The following MAD1L1 variants were observed in gnomAD, a reference collection of about 807,000 sequenced individuals.
MAD1L1 encodes mitotic arrest deficient 1 like 1, also known as mitotic spindle assembly checkpoint protein MAD1.
MAD1L1 carries 95 observed loss-of-function variants against 96.9 expected under a neutral mutation model. That is an observed-to-expected ratio of 0.98 (90% CI 0.83 to 1.16). The LOEUF (loss-of-function observed/expected upper bound fraction) is 1.16, where lower values mean the gene tolerates loss of function less well. Ranked by LOEUF, MAD1L1 falls within the 50% of genes most tolerant of loss-of-function variation. The pLI is 0.00. For synonymous variants in MAD1L1, 473 were observed against 396.6 expected (o/e 1.19, Z -2.29); for missense variants, 1,007 against 954.4 (o/e 1.06, Z -0.73).
chr7:2,106,920 G>A (rs969223193), intron 11 of MAD1L1, among the ~76,000 whole-genome samples: 2 of 152,168 alleles, frequency 1.3e-5, no homozygotes, highest in African/African-American at 4.8e-5. Flanking sequence ...CAGGGGCCCG[G>A]GGGTCCAGAA....
At position 1,898,039 on chromosome 7, in the gene MAD1L1, G is replaced by C. The variant is rs547054956; in HGVS notation, c.1998+161C>G. On this transcript the variant is annotated intron_variant, in intron 18 of 18. Transcript: ENST00000265854. Reference sequence around the variant, plus strand: ...TTGGCCCAAGGCTGAGAAGCCTCAGGGGGTGACGAGGACGGGCCAGTGCAC... The same window carrying C: ...TTGGCCCAAGGCTGAGAAGCCTCAGCGGGTGACGAGGACGGGCCAGTGCAC... 513 of 743,248 alleles carry C rather than the reference G, an allele frequency of 6.9e-4. 2 individuals are homozygous for C. Among genetic ancestry groups the C allele is most frequent in the Non-Finnish European group, 2.2e-4 (98 of 445,820 alleles). The allele number at this position is 743,248 out of a possible 1,614,324, so 46.0% of individuals were successfully genotyped here. A position where few individuals can be genotyped will look rare whatever the true frequency, so the allele number is the denominator to read the frequency against.
At chr7:1,831,041 A>G (rs1410056967) in intron 18 of MAD1L1, among the ~76,000 whole-genome samples, 1 of 152,292 alleles carries the variant, frequency 6.6e-6, no homozygotes, top group African/African-American at 2.4e-5. Flanking sequence ...AGTAACGTGA[A>G]GCAGATACAG....
At chr7:2,105,344 G>A (rs1215849677) in intron 11 of MAD1L1, among the ~76,000 whole-genome samples, 9 of 151,422 alleles carry the variant, frequency 5.9e-5, no homozygotes, top group Admixed American at 2.0e-4. Flanking sequence ...AGGGGAGGAA[G>A]GCCACTCAGG....
chr7:1,837,027 G>C (rs1290362200), intron 18 of MAD1L1, among the ~76,000 whole-genome samples: 1 of 152,146 alleles, frequency 6.6e-6, no homozygotes, highest in Non-Finnish European at 1.5e-5. Flanking sequence ...AGAATGAAAA[G>C]ACATGTCATA....
intron 12 of MAD1L1, among the ~76,000 whole-genome samples, chr7:2,066,834 G>A (rs1317882855): frequency 6.6e-6 from 1 of 152,250 alleles, no homozygotes; most frequent in East Asian, 1.9e-4. Flanking sequence ...GTCACAGGCT[G>A]CAGGCCAGAC....
At position 2,033,262 on chromosome 7, in the gene MAD1L1, T is replaced by C. The variant is rs1340119895; in HGVS notation, c.1219-18620A>G. 3.3e-5 allele frequency among the ~76,000 whole-genome samples: 5 copies of C among 152,334 alleles called. No individual in the cohort carries two copies. The East Asian group carries it at 9.7e-4, about 29-fold the overall frequency. ...ACGCACCCCGGGGGCACAGAACACC[T>C]GGGTGCGGAGCCCCAGTTTGAACCA... is the stretch of plus-strand genomic sequence containing the variant. On this transcript the variant is annotated intron_variant, in intron 12 of 18. Coordinates refer to ENST00000265854, the MANE Select transcript of MAD1L1 (RefSeq NM_001013836.2).
chr7:2,155,650 G>GAC (rs1789796711), intron 10 of MAD1L1, among the ~76,000 whole-genome samples: 1 of 152,160 alleles, frequency 6.6e-6, no homozygotes, highest in Admixed American at 6.5e-5. Flanking sequence ...CCTTCCTTTT[G>GAC]AAGGCTGAGT....
chr7:1,887,985 ATGCATGTGTGTATATGGCTGCCTGTACG>A (rs1472326810), intron 18 of MAD1L1, among the ~76,000 whole-genome samples: 21 of 83,856 alleles, frequency 2.5e-4, no homozygotes, highest in Admixed American at 4.6e-4. Context: ...GTGTGTGTGC[ATGCATGTGTGTATATGGCTGCCTGTACG>A]TGTGTGTGCA....
At chr7:2,185,144 CAGG>C in intron 10 of MAD1L1, among the ~76,000 whole-genome samples, 1 of 152,274 alleles carries the variant, frequency 6.6e-6, no homozygotes, top group African/African-American at 2.4e-5. Flanking sequence ...TACAAACTTT[CAGG>C]AGGTGATTGC....
intron 17 of MAD1L1, among the ~76,000 whole-genome samples, chr7:1,905,832 C>T (rs11767040): frequency 0.15 from 23,119 of 152,078 alleles, 2,182 homozygotes; most frequent in South Asian, 0.28. Context: ...GGCAGATTAT[C>T]TGAGGTCAGG....
chr7:2,120,657 A>C (rs1450212415), intron 11 of MAD1L1, among the ~76,000 whole-genome samples: 1 of 152,254 alleles, frequency 6.6e-6, no homozygotes, highest in Admixed American at 6.5e-5. Context: ...TTCCCCAACA[A>C]CACAAAACCA....
chr7:1,854,852 G>A (rs1173232663), intron 18 of MAD1L1, among the ~76,000 whole-genome samples: 1 of 152,238 alleles, frequency 6.6e-6, no homozygotes, highest in Non-Finnish European at 1.5e-5. Flanking sequence ...TTCAAAAGGG[G>A]GAAAGGCAAG....
intron 11 of MAD1L1, among the ~76,000 whole-genome samples, chr7:2,076,604 G>A (rs546209256): frequency 1.6e-4 from 24 of 152,218 alleles, no homozygotes; most frequent in African/African-American, 4.3e-4. Context: ...CGAGGCTTCC[G>A]GGCTGATGAC....
At chr7:1,993,654 T>C (rs1781440945) in intron 14 of MAD1L1, among the ~76,000 whole-genome samples, 1 of 152,256 alleles carries the variant, frequency 6.6e-6, no homozygotes, top group Non-Finnish European at 1.5e-5. Context: ...ATCTATTTTC[T>C]GGGCGAAGAA....
At chr7:2,039,701 G>A (rs1205079751) in intron 12 of MAD1L1, among the ~76,000 whole-genome samples, 1 of 152,108 alleles carries the variant, frequency 6.6e-6, no homozygotes, top group Non-Finnish European at 1.5e-5. Flanking sequence ...AATTAGGTGT[G>A]TCTGTTTTGT....
chr7:2,225,622 A>G, intron 3 of MAD1L1, 72 bp from the exon 4 acceptor site: 3 of 1,521,154 alleles, frequency 2.0e-6, no homozygotes, highest in Non-Finnish European at 2.7e-6. Flanking sequence ...GACTCAGTGC[A>G]GCAGACACAC....
chr7:2,138,444 GAGAGATGAGCACTTCAGCATGC>G (rs1464129126), intron 11 of MAD1L1, among the ~76,000 whole-genome samples: 1 of 152,232 alleles, frequency 6.6e-6, no homozygotes, highest in Non-Finnish European at 1.5e-5. Context: ...AAGTGGCCTA[GAGAGATGAGCACTTCAGCATGC>G]AGAGGTTGAA....
intron 14 of MAD1L1, among the ~76,000 whole-genome samples, chr7:1,987,980 G>A (rs1226949318): frequency 6.6e-6 from 1 of 152,212 alleles, no homozygotes; most frequent in Non-Finnish European, 1.5e-5. Flanking sequence ...CTGGCAGGAA[G>A]TCAGGCAGGC....
chr7:2,067,696 G>C (rs903699541), intron 12 of MAD1L1, among the ~76,000 whole-genome samples: 1 of 152,246 alleles, frequency 6.6e-6, no homozygotes, highest in Non-Finnish European at 1.5e-5. Flanking sequence ...TCCAGGCCTC[G>C]AGGTGACTGC....
Sources: allele counts gnomAD v4.1 joint callset (sites outside exome capture counted in the v4.1 genomes callset), GRCh38; gene constraint gnomAD v4.1.1; transcripts MANE v1.5; gene names NCBI Gene and HGNC (gene_info 2026-07-23, HGNC 2026-07-21).